GRID1: variants seen among roughly 807,000 people sequenced by gnomAD.
GRID1 encodes glutamate ionotropic receptor delta type subunit 1.
A neutral mutation model predicts 98.0 loss-of-function variants in GRID1; 28 were observed. The ratio of observed to expected loss-of-function variants is 0.29; its 90% confidence interval spans 0.21 to 0.39. The LOEUF is 0.39. GRID1 is among the 10% of genes least tolerant of loss of function. The pLI is 1.00. For missense variants in GRID1, 1,111 were observed against 1,340.5 expected (o/e 0.83, Z 2.67); for synonymous variants, 553 against 538.5 (o/e 1.03, Z -0.37).
chr10:85,938,151 G>T (rs188085702), intron 4 of GRID1, among the ~76,000 whole-genome samples: 33 of 152,298 alleles, frequency 2.2e-4, no homozygotes, highest in African/African-American at 7.9e-4. Flanking sequence ...CAAAGATCTT[G>T]CCAGGGGGAA....
At chr10:85,993,957 C>A (rs987735172) in intron 4 of GRID1, among the ~76,000 whole-genome samples, 1 of 151,988 alleles carries the variant, frequency 6.6e-6, no homozygotes, top group East Asian at 1.9e-4. Flanking sequence ...GGCAGCTGTC[C>A]CATCAAATAA....
At chr10:85,856,327 CT>C in intron 6 of GRID1, 137 bp from the exon 7 acceptor site, 1 of 752,234 alleles carries the variant, frequency 1.3e-6, no homozygotes, top group Non-Finnish European at 2.2e-6. Context: ...AGATCCTCGG[CT>C]TTTAGGTGTA....
intron 5 of GRID1, among the ~76,000 whole-genome samples, chr10:85,895,016 A>AAAAAATATATATATAT (rs766551035): frequency 6.2e-5 from 6 of 97,106 alleles, no homozygotes; most frequent in South Asian, 3.7e-4. Flanking sequence ...AAAAAAAAAA[A>AAAAAATATATATATAT]ATATATATAT....
intron 8 of GRID1, among the ~76,000 whole-genome samples, chr10:85,845,525 T>A (rs1373623799): frequency 6.6e-6 from 1 of 151,968 alleles, no homozygotes; most frequent in African/African-American, 2.4e-5. Flanking sequence ...AAATCCCAAA[T>A]TTTTTTGTGG....
intron 4 of GRID1, among the ~76,000 whole-genome samples, chr10:86,054,561 T>G (rs1457700207): frequency 6.6e-6 from 1 of 152,214 alleles, no homozygotes; most frequent in Admixed American, 6.5e-5. Context: ...CAGTGTGCCC[T>G]GCAAAGGCTC....
intron 2 of GRID1, among the ~76,000 whole-genome samples, chr10:86,289,918 C>T (rs1847488779): frequency 6.6e-6 from 1 of 152,186 alleles, no homozygotes; most frequent in Admixed American, 6.5e-5. Context: ...GTGGTGGTTC[C>T]TCTTTGTCAT....
intron 2 of GRID1, among the ~76,000 whole-genome samples, chr10:86,302,711 T>C (rs1033651946): frequency 9.2e-5 from 14 of 152,180 alleles, no homozygotes; most frequent in Non-Finnish European, 1.3e-4. Flanking sequence ...CTAGATTCAG[T>C]AGCTGAAACA....
chr10:86,098,074 GTT>G (rs1844246730), intron 4 of GRID1, among the ~76,000 whole-genome samples: 1 of 152,194 alleles, frequency 6.6e-6, no homozygotes, highest in Non-Finnish European at 1.5e-5. Flanking sequence ...CTTTGACTCA[GTT>G]TTGCTAACCA....
intron 8 of GRID1, among the ~76,000 whole-genome samples, chr10:85,773,362 A>T (rs1477941765): frequency 6.6e-6 from 1 of 152,228 alleles, no homozygotes; most frequent in Non-Finnish European, 1.5e-5. Context: ...CCCACAGCCA[A>T]TATCATACTG....
intron 5 of GRID1, among the ~76,000 whole-genome samples, chr10:85,890,765 C>G (rs762696321): frequency 6.6e-6 from 1 of 151,506 alleles, no homozygotes; most frequent in Non-Finnish European, 1.5e-5. Flanking sequence ...AGCAAAGGAG[C>G]AAGGGAGAGA....
intron 8 of GRID1, among the ~76,000 whole-genome samples, chr10:85,752,276 C>T (rs1842055428): frequency 6.6e-6 from 1 of 152,142 alleles, no homozygotes. Context: ...ATGACTTGCA[C>T]TCACAAGGTA....
chr10:86,087,041 G>C (rs1210160203), intron 4 of GRID1, among the ~76,000 whole-genome samples: 1 of 152,184 alleles, frequency 6.6e-6, no homozygotes, highest in Non-Finnish European at 1.5e-5. Flanking sequence ...TGAGTCTCTA[G>C]AGACAAAATT....
At position 85,602,304 on chromosome 10, in the gene GRID1, G is replaced by A. The variant is rs1842590170; in HGVS notation, c.2999C>T (p.Ala1000Val). 14 of 1,540,622 alleles carry A rather than the reference G, an allele frequency of 9.1e-6. No homozygotes were observed. The highest frequency in any genetic ancestry group is 1.2e-5 in the Non-Finnish European group (14 of 1,143,082). The change falls in exon 16 of 16, where the codon GCT (alanine) becomes GTT (valine). Residue 1000 changes from alanine (A) to valine (V), a missense_variant. Ala to Val is a moderately conservative substitution (Grantham distance 64). Transcript: ENST00000327946. ...QPVPGGVLPE[A>V]LDTSHGTSI ...GGAGGTCCCGTGGGAGGTGTCCAGA[G>A]CCTCTGGAAGGACGCCTCCAGGCAC...
At chr10:86,098,881 T>C (rs1197166955) in intron 4 of GRID1, among the ~76,000 whole-genome samples, 3 of 152,222 alleles carry the variant, frequency 2.0e-5, no homozygotes, top group Non-Finnish European at 4.4e-5. Flanking sequence ...GCCCTCTCTT[T>C]TGTCACACTT....
At chr10:86,327,844 T>C (rs1215783834) in intron 2 of GRID1, among the ~76,000 whole-genome samples, 2 of 152,260 alleles carry the variant, frequency 1.3e-5, no homozygotes, top group African/African-American at 4.8e-5. Flanking sequence ...TTCCACTTTC[T>C]GGAAGACAAT....
intron 2 of GRID1, among the ~76,000 whole-genome samples, chr10:86,225,505 G>A (rs1846327696): frequency 6.6e-6 from 1 of 152,224 alleles, no homozygotes; most frequent in African/African-American, 2.4e-5. Flanking sequence ...TATTTCTGCA[G>A]GGAAGGAGGC....
At chr10:85,613,351 G>C (rs1842753426) in intron 15 of GRID1, 56 bp downstream of exon 15, 1 of 1,552,824 alleles carries the variant, frequency 6.4e-7, no homozygotes, top group East Asian at 2.3e-5. Flanking sequence ...CAATGGCCCA[G>C]TGTGACACTC....
At chr10:85,755,108 GT>G (rs1213991901) in intron 8 of GRID1, among the ~76,000 whole-genome samples, 1 of 152,086 alleles carries the variant, frequency 6.6e-6, no homozygotes, top group Non-Finnish European at 1.5e-5. Flanking sequence ...TATGAAGCCT[GT>G]TTTGGCCGGC....
intron 2 of GRID1, among the ~76,000 whole-genome samples, chr10:86,316,666 C>T (rs1847904036): frequency 6.6e-6 from 1 of 152,174 alleles, no homozygotes; most frequent in Non-Finnish European, 1.5e-5. Flanking sequence ...TAGAATAAGC[C>T]AGCACTGTGA....
Sources: allele counts gnomAD v4.1 joint callset (sites outside exome capture counted in the v4.1 genomes callset), GRCh38; gene constraint gnomAD v4.1.1; transcripts MANE v1.5; gene names NCBI Gene and HGNC (gene_info 2026-07-23, HGNC 2026-07-21).